The following SYNRG variants were observed in gnomAD, a reference collection of about 807,000 sequenced individuals.
SYNRG encodes the protein synergin gamma.
SYNRG carries 37 observed loss-of-function variants against 130.9 expected under a neutral mutation model. The ratio of observed to expected loss-of-function variants is 0.28; its 90% CI spans 0.22 to 0.37. The LOEUF is 0.37. Among genes scored for constraint, SYNRG ranks in the 10% least tolerant of loss-of-function variants. The pLI, the probability that SYNRG is intolerant of heterozygous loss-of-function variation, is 1.00. For synonymous variants in SYNRG, 539 were observed against 568.1 expected, an observed-to-expected ratio of 0.95 and a Z score of 0.73; for missense variants, 1,338 against 1,588.9, an observed-to-expected ratio of 0.84 and a Z score of 2.68.
intron 17 of SYNRG, among the ~76,000 whole-genome samples, chr17:37,538,742 G>A (rs962711490): frequency 2.0e-5 from 3 of 152,114 alleles, no homozygotes; most frequent in Non-Finnish European, 4.4e-5. Context: ...TTACAGGCAC[G>A]TGCCACCACG....
intron 3 of SYNRG, among the ~76,000 whole-genome samples, chr17:37,589,576 C>T (rs2061974516): frequency 6.6e-6 from 1 of 151,630 alleles, no homozygotes; most frequent in East Asian, 2.0e-4. Flanking sequence ...CGATGAAATC[C>T]CATCTCTACT....
At chr17:37,581,765 C>CTTTTTTTT (rs398041650) in intron 6 of SYNRG, among the ~76,000 whole-genome samples, 1 of 105,310 alleles carries the variant, frequency 9.5e-6, no homozygotes, top group Non-Finnish European at 2.0e-5. Flanking sequence ...CATTTTTTTT[C>CTTTTTTTT]TTTTTTTTTT....
intron 16 of SYNRG, 145 bp from the exon 17 acceptor site, chr17:37,539,390 T>A: frequency 1.1e-6 from 1 of 912,240 alleles, no homozygotes; most frequent in Non-Finnish European, 1.6e-6. Context: ...TTTGTTTTTG[T>A]TTTTGTTTTG....
At position 37,548,202 on chromosome 17, in the gene SYNRG, T is replaced by C. The variant is rs543233778; in HGVS notation, c.2608+4913A>G. 8.5e-5 allele frequency among the ~76,000 whole-genome samples: 13 copies of C among 152,254 alleles called. No homozygotes were observed. The South Asian group carries it at 2.7e-3, about 32-fold the overall frequency. ...TTCCTCAGTCAAAGCCATCAAGAGA[T>C]TGGTTTTATAAATAGCACGGGAAAA... On this transcript the variant is annotated intron_variant, in intron 14 of 21. Transcript: ENST00000612223.
chr17:37,534,805 G>A (rs919227644), intron 19 of SYNRG, among the ~76,000 whole-genome samples: 2 of 152,056 alleles, frequency 1.3e-5, no homozygotes, highest in African/African-American at 4.8e-5. Context: ...TGTAGTTGGG[G>A]TAGCTGGGTA....
At chr17:37,525,270 A>T (rs1176906577) in intron 19 of SYNRG, among the ~76,000 whole-genome samples, 3 of 152,274 alleles carry the variant, frequency 2.0e-5, no homozygotes, top group Non-Finnish European at 4.4e-5. Flanking sequence ...GTTAAGATTT[A>T]AAAAAATATA....
intron 14 of SYNRG, among the ~76,000 whole-genome samples, chr17:37,546,684 T>A (rs2058306006): frequency 6.6e-6 from 1 of 152,198 alleles, no homozygotes; most frequent in Admixed American, 6.5e-5. Flanking sequence ...TTGCTAAAGC[T>A]GTTAAGTATA....
chr17:37,546,666 A>G (rs1354816673), intron 14 of SYNRG, among the ~76,000 whole-genome samples: 5 of 152,216 alleles, frequency 3.3e-5, no homozygotes, highest in Non-Finnish European at 5.9e-5. Flanking sequence ...GCTCATTCCC[A>G]GGGACATTTG....
chr17:37,562,954 AATTG>A (rs1470950405), intron 11 of SYNRG, among the ~76,000 whole-genome samples: 2 of 152,220 alleles, frequency 1.3e-5, no homozygotes, highest in South Asian at 2.1e-4. Flanking sequence ...TGTTACACTT[AATTG>A]ATTATTAATT....
chr17:37,578,435 G>A (rs529238641), intron 6 of SYNRG, among the ~76,000 whole-genome samples: 5 of 152,310 alleles, frequency 3.3e-5, no homozygotes, highest in Admixed American at 3.3e-4. Context: ...ATTATCTACT[G>A]TGATTCTAAA....
chr17:37,593,371 C>T (rs2062378885), intron 3 of SYNRG, among the ~76,000 whole-genome samples: 1 of 151,966 alleles, frequency 6.6e-6, no homozygotes, highest in Non-Finnish European at 1.5e-5. Context: ...CGAGATTGTA[C>T]CACTGCACTC....
At chr17:37,600,288 A>G in intron 2 of SYNRG, 75 bp downstream of exon 2, 1 of 1,339,192 alleles carries the variant, frequency 7.5e-7, no homozygotes, top group Non-Finnish European at 1.0e-6. Flanking sequence ...CTTATTTTCT[A>G]TTTACTTATT....
At chr17:37,599,460 C>A (rs977559425) in intron 2 of SYNRG, among the ~76,000 whole-genome samples, 22 of 152,212 alleles carry the variant, frequency 1.4e-4, no homozygotes, top group Non-Finnish European at 2.6e-4. Flanking sequence ...GTGGCTCATG[C>A]CTGTAATCCC....
At chr17:37,605,304 T>C (rs1480538323) in intron 1 of SYNRG, among the ~76,000 whole-genome samples, 1 of 152,206 alleles carries the variant, frequency 6.6e-6, no homozygotes, top group Non-Finnish European at 1.5e-5. Flanking sequence ...GGCTTAAACA[T>C]TTAAATTAGT....
At chr17:37,522,634 A>T (rs1424536826) in intron 19 of SYNRG, among the ~76,000 whole-genome samples, 4 of 133,042 alleles carry the variant, frequency 3.0e-5, no homozygotes, top group Non-Finnish European at 6.2e-5. Context: ...TGCCCAGCTA[A>T]CACTTTTTTT....
At chr17:37,564,228 T>C (rs1371036464) in intron 11 of SYNRG, among the ~76,000 whole-genome samples, 3 of 152,224 alleles carry the variant, frequency 2.0e-5, no homozygotes, top group South Asian at 2.1e-4. Flanking sequence ...GCCTGGCACA[T>C]AGTATTTTCT....
At chr17:37,581,773 T>C (rs1267736604) in intron 6 of SYNRG, among the ~76,000 whole-genome samples, 1 of 149,914 alleles carries the variant, frequency 6.7e-6, no homozygotes, top group African/African-American at 2.5e-5. Context: ...TTCTTTTTTT[T>C]TTTTTTTTTG....
chr17:37,549,342 T>G (rs554814122), intron 14 of SYNRG, among the ~76,000 whole-genome samples: 1 of 152,276 alleles, frequency 6.6e-6, no homozygotes, highest in East Asian at 1.9e-4. Context: ...GTTACCATAC[T>G]CTAAAATGGA....
At chr17:37,608,259 T>C (rs2063989156) in intron 1 of SYNRG, among the ~76,000 whole-genome samples, 1 of 152,176 alleles carries the variant, frequency 6.6e-6, no homozygotes, top group African/African-American at 2.4e-5. Flanking sequence ...CCTTACACTT[T>C]TGTAGTGTTC....
Sources: allele counts gnomAD v4.1 joint callset (sites outside exome capture counted in the v4.1 genomes callset), GRCh38; gene constraint gnomAD v4.1.1; transcripts MANE v1.5; gene names NCBI Gene and HGNC (gene_info 2026-07-23, HGNC 2026-07-21).